Variants in NRDE2 observed in about 807,000 individuals in gnomAD.
The protein encoded by NRDE2 is nuclear exosome regulator NRDE2.
A neutral mutation model predicts 124.2 loss-of-function variants in NRDE2; 76 were observed. That is an observed-to-expected ratio of 0.61 (90% CI 0.51 to 0.74). The LOEUF is 0.74. Ranked by LOEUF, NRDE2 falls within the 30% of genes least tolerant of loss-of-function variation. The pLI is 0.00. For missense variants in NRDE2, 1,314 were observed against 1,417.3 expected (o/e 0.93, Z 1.17); for synonymous variants, 489 against 528.1 (o/e 0.93, Z 1.01).
intron 11 of NRDE2, among the ~76,000 whole-genome samples, chr14:90,287,589 C>G (rs1892143007): frequency 6.6e-6 from 1 of 151,958 alleles, no homozygotes; most frequent in Non-Finnish European, 1.5e-5. Flanking sequence ...CCACTGCACT[C>G]CAGCCTGAGC....
chr14:90,294,348 T>C (rs146684248), intron 8 of NRDE2, among the ~76,000 whole-genome samples: 3 of 150,648 alleles, frequency 2.0e-5, no homozygotes, highest in African/African-American at 7.3e-5. Context: ...GCGATTCCAC[T>C]GCTGAATATC....
chr14:90,313,358 C>A (rs1401252322), intron 3 of NRDE2, among the ~76,000 whole-genome samples: 1 of 152,122 alleles, frequency 6.6e-6, no homozygotes, highest in African/African-American at 2.4e-5. Context: ...GATCTCCTGA[C>A]CTCATGATCC....
chr14:90,287,415 G>A (rs1892137713), intron 11 of NRDE2, among the ~76,000 whole-genome samples: 1 of 151,824 alleles, frequency 6.6e-6, no homozygotes, highest in South Asian at 2.1e-4. Context: ...CTCAGGAGAT[G>A]GAGACCAGCC....
Position 90,268,432 on chromosome 14 carries a change from AT to A in NRDE2, c.*9903del, listed in dbSNP as rs781710905. The A allele has an allele frequency of 5.6e-6, 9 of 1,612,896 alleles. No individual in the cohort carries two copies. The highest frequency in any genetic ancestry group is 3.3e-5 in the Admixed American group (2 of 59,904). ...CAAAAAGGTAGACTTTCTCATACTT[AT>A]TTTGCCTTGTTTAGTAGGGAACACC... is the stretch of plus-strand genomic sequence containing the variant. On this transcript the variant is annotated 3_prime_UTR_variant, in exon 14 of 14. Coordinates refer to ENST00000354366, the MANE Select transcript of NRDE2 (RefSeq NM_017970.4).
intron 4 of NRDE2, among the ~76,000 whole-genome samples, chr14:90,310,985 T>G (rs1326669131): frequency 6.6e-6 from 1 of 152,218 alleles, no homozygotes; most frequent in Admixed American, 6.5e-5. Context: ...AGATTAAATA[T>G]GTACTGAATA....
intron 12 of NRDE2, among the ~76,000 whole-genome samples, chr14:90,285,681 G>A (rs547502831): frequency 9.2e-5 from 14 of 151,842 alleles, no homozygotes; most frequent in Non-Finnish European, 1.9e-4. Context: ...CACCCAGGCC[G>A]GAGTGCAGTG....
rs1229636086 is a variant in NRDE2, at chr14:90,273,076, CCT to C, written c.*5258_*5259del. On this transcript the variant is annotated 3_prime_UTR_variant, in exon 14 of 14. Coordinates refer to ENST00000354366, the MANE Select transcript of NRDE2 (RefSeq NM_017970.4). ...AGAAACATGTCAGAACTTCCCCTTC[CCT>C]TTCTCCGTCTATTTCCGTCATTTCT... 6.6e-6 allele frequency: 1 copy of C among 152,220 alleles called. No individual in the cohort carries two copies. Among genetic ancestry groups the C allele is most frequent in the Non-Finnish European group, 1.5e-5 (1 of 68,072 alleles). 9.4% of individuals were successfully genotyped at this position (152,220 alleles called of 1,614,324 possible). A position where few individuals can be genotyped will look rare whatever the true frequency, so the allele number is the denominator to read the frequency against.
chr14:90,299,842 T>C (rs1186264104), intron 7 of NRDE2, among the ~76,000 whole-genome samples: 1 of 152,194 alleles, frequency 6.6e-6, no homozygotes, highest in East Asian at 1.9e-4. Context: ...TAAATGAGTA[T>C]AATCTATTTG....
At chr14:90,295,492 C>G (rs887502415) in intron 8 of NRDE2, among the ~76,000 whole-genome samples, 1 of 152,032 alleles carries the variant, frequency 6.6e-6, no homozygotes, top group African/African-American at 2.4e-5. Flanking sequence ...CTTTAATCAC[C>G]CTGAAAAACT....
At chr14:90,298,166 T>C (rs1884249542) in intron 8 of NRDE2, 94 bp downstream of exon 8, 2 of 1,332,362 alleles carry the variant, frequency 1.5e-6, no homozygotes, top group Admixed American at 4.1e-5. Flanking sequence ...CTGAAGCTAC[T>C]GATAAATAGC....
rs935457350 is a variant in NRDE2 at position 90,276,150 on chromosome 14, T to A, written c.*2186A>T. On this transcript the variant is annotated 3_prime_UTR_variant, in exon 14 of 14. Transcript: ENST00000354366. ...GAACCCCCTTCTCAGCCCTCCAAGC[T>A]GACGGTTAGTCTTGGGAGGCACGTA... The A allele has an allele frequency of 2.0e-5, 3 of 151,526 alleles. No individual in the cohort carries two copies. The highest frequency in any genetic ancestry group is 7.3e-5 in the African/African-American group (3 of 41,324). The allele number at this position is 151,526 out of a possible 1,614,324, so 9.4% of individuals were successfully genotyped here. A position where few individuals can be genotyped will look rare whatever the true frequency, so the allele number is the denominator to read the frequency against.
intron 1 of NRDE2, among the ~76,000 whole-genome samples, chr14:90,322,107 C>CTCCT (rs1474161940): frequency 6.6e-6 from 1 of 152,166 alleles, no homozygotes; most frequent in Non-Finnish European, 1.5e-5. Context: ...GAGGCTGGTT[C>CTCCT]TCCTAAAGTC....
In NRDE2 at chr14:90,299,804, GA is replaced by G. The variant is rs921615049; in HGVS notation, c.1546-1425del. On this transcript the variant is annotated intron_variant, in intron 7 of 13. Coordinates refer to ENST00000354366, the MANE Select transcript of NRDE2 (RefSeq NM_017970.4). ...GAGTGAAGAAAGAAAGTTTACTTAA[GA>G]AAAAAAATTTTTTTTAAATAGTGTG... Among the ~76,000 whole-genome samples the G allele has an allele frequency of 9.2e-5, 14 of 152,172 alleles. 1 individual carries two copies. The East Asian group carries it at 1.2e-3, about 13-fold the overall frequency.
chr14:90,295,342 A>G (rs1409119754), intron 8 of NRDE2, among the ~76,000 whole-genome samples: 2 of 152,228 alleles, frequency 1.3e-5, no homozygotes, highest in Admixed American at 6.5e-5. Context: ...AGCATTATAG[A>G]TCATATATAT....
chr14:90,278,553 C>A, intron 13 of NRDE2, 92 bp from the exon 14 acceptor site: 1 of 1,527,636 alleles, frequency 6.5e-7, no homozygotes, highest in South Asian at 1.2e-5. Flanking sequence ...TCCTGGTGAC[C>A]CTGCCCTCCT....
chr14:90,290,103 G>C (rs750266266), intron 10 of NRDE2, 118 bp downstream of exon 10: 5 of 1,086,280 alleles, frequency 4.6e-6, no homozygotes, highest in African/African-American at 1.6e-5. Context: ...AGGGTCACTG[G>C]AGGAGGAGGT....
chr14:90,311,666 TG>T (rs980280485), intron 4 of NRDE2, among the ~76,000 whole-genome samples: 1 of 152,160 alleles, frequency 6.6e-6, no homozygotes, highest in Non-Finnish European at 1.5e-5. Flanking sequence ...AGTATGAAAA[TG>T]GGCTAATACA....
chr14:90,305,487 G>A (rs1234006906), intron 4 of NRDE2, among the ~76,000 whole-genome samples: 1 of 152,180 alleles, frequency 6.6e-6, no homozygotes, highest in Non-Finnish European at 1.5e-5. Flanking sequence ...GCTCTCGGCA[G>A]CTTTATTCCT....
intron 3 of NRDE2, among the ~76,000 whole-genome samples, chr14:90,316,359 A>G (rs964037810): frequency 6.6e-6 from 1 of 152,224 alleles, no homozygotes; most frequent in African/African-American, 2.4e-5. Flanking sequence ...CTTTTTGTCT[A>G]AAAGAGATTC....
Sources: allele counts gnomAD v4.1 joint callset (sites outside exome capture counted in the v4.1 genomes callset), GRCh38; gene constraint gnomAD v4.1.1; transcripts MANE v1.5; gene names NCBI Gene and HGNC (gene_info 2026-07-23, HGNC 2026-07-21).